The following SLC16A7 variants were observed in gnomAD, a reference collection of about 807,000 sequenced individuals.
SLC16A7 encodes the protein solute carrier family 16 member 7, also known as monocarboxylate transporter 2.
In SLC16A7, 33 loss-of-function variants were observed where a neutral mutation model predicts 34.9. The observed-to-expected ratio is 0.94, with a 90% CI of 0.72 to 1.26. The LOEUF (loss-of-function observed/expected upper bound fraction) is 1.26. SLC16A7 is among the 50% of genes most tolerant of loss of function. The pLI is 0.00. For synonymous variants in SLC16A7, 201 were observed against 206.6 expected (o/e 0.97, Z 0.23); for missense variants, 573 against 578.1 (o/e 0.99, Z 0.09).
chr12:59,605,533 A>G (rs925914415), intron 1 of SLC16A7, among the ~76,000 whole-genome samples: 1 of 152,218 alleles, frequency 6.6e-6, no homozygotes, highest in Admixed American at 6.5e-5. Context: ...AGCCTCTGAC[A>G]TATTTTAAGG....
At chr12:59,759,069 A>G (rs1880722518) in intron 3 of SLC16A7, among the ~76,000 whole-genome samples, 1 of 151,972 alleles carries the variant, frequency 6.6e-6, no homozygotes, top group Non-Finnish European at 1.5e-5. Context: ...TATATTATTA[A>G]TCTACTACTA....
rs536568807 is a variant in SLC16A7 at position 59,690,516 on chromosome 12, G to C, written c.-30-14256G>C. On this transcript the variant is annotated intron_variant, in intron 2 of 5. Coordinates refer to ENST00000547379, the MANE Select transcript of SLC16A7 (RefSeq NM_001270623.2). Reference sequence around the variant, plus strand: ...TCAGGCTTTAATACCATTGTCCACTGATAAAAAGAAAGAAGAGTGTAGGAA... The same window carrying C: ...TCAGGCTTTAATACCATTGTCCACTCATAAAAAGAAAGAAGAGTGTAGGAA... Among the ~76,000 whole-genome samples the C allele has an allele frequency of 9.3e-4, 142 of 152,064 alleles. No homozygotes were observed. In the Middle Eastern group the frequency reaches 0.014, roughly 15 times the overall value.
At chr12:59,774,536 A>G (rs985049828) in intron 4 of SLC16A7, 121 bp from the exon 5 acceptor site, 1 of 598,048 alleles carries the variant, frequency 1.7e-6, no homozygotes, top group East Asian at 2.8e-5. Flanking sequence ...AAAATGTACT[A>G]TATGATATTG....
chr12:59,710,462 G>T (rs560294361), intron 3 of SLC16A7, among the ~76,000 whole-genome samples: 41 of 151,930 alleles, frequency 2.7e-4, no homozygotes, highest in Non-Finnish European at 4.7e-4. Flanking sequence ...GTCAACAACA[G>T]ATTGGAAGTG....
At chr12:59,659,613 A>G (rs1233569009) in intron 2 of SLC16A7, among the ~76,000 whole-genome samples, 1 of 152,094 alleles carries the variant, frequency 6.6e-6, no homozygotes, top group Non-Finnish European at 1.5e-5. Context: ...CCTTTGATTC[A>G]TCTATTTAAT....
chr12:59,631,898 G>C (rs1013728553), intron 1 of SLC16A7, among the ~76,000 whole-genome samples: 11 of 151,992 alleles, frequency 7.2e-5, no homozygotes, highest in Admixed American at 3.9e-4. Context: ...GCTTAAATTA[G>C]TGTGTGTGTA....
rs1281474359 is a variant in SLC16A7, at chr12:59,632,023, ATTTG to A, written c.-129-23123_-129-23120del. ...TAAGACAGTAGAATCAAAGATGAGA[ATTTG>A]TTTGTCCTGAGAAGTGAGAGGTCAC... On this transcript the variant is annotated intron_variant, in intron 1 of 5. Coordinates refer to ENST00000547379, the MANE Select transcript of SLC16A7 (RefSeq NM_001270623.2). Among the ~76,000 whole-genome samples the A allele has an allele frequency of 2.0e-5, 3 of 151,902 alleles. No individual in the cohort carries two copies. In the East Asian group the frequency reaches 5.8e-4, roughly 30 times the overall value.
intron 5 of SLC16A7, among the ~76,000 whole-genome samples, chr12:59,777,204 A>T (rs1340745222): frequency 6.6e-6 from 1 of 152,226 alleles, no homozygotes; most frequent in Admixed American, 6.6e-5. Flanking sequence ...TGCCACTGGC[A>T]GCAAATGGCA....
intron 1 of SLC16A7, among the ~76,000 whole-genome samples, chr12:59,649,756 C>T (rs1868308770): frequency 6.6e-6 from 1 of 152,136 alleles, no homozygotes; most frequent in Admixed American, 6.5e-5. Context: ...CAAGACCAGC[C>T]TGGCCAACAT....
chr12:59,640,922 G>T (rs1880656156), intron 1 of SLC16A7, among the ~76,000 whole-genome samples: 1 of 151,974 alleles, frequency 6.6e-6, no homozygotes, highest in South Asian at 2.1e-4. Context: ...ATGAAAAAAT[G>T]ACTTATGTGG....
chr12:59,687,546 T>C (rs1485991687), intron 2 of SLC16A7, among the ~76,000 whole-genome samples: 1 of 152,140 alleles, frequency 6.6e-6, no homozygotes, highest in African/African-American at 2.4e-5. Context: ...GAAGCCAATG[T>C]GTTTCTCAGG....
chr12:59,774,936 CAGA>C lies in SLC16A7; in HGVS notation c.645_647del (p.Glu215del), dbSNP rs774120668. On this transcript the variant is annotated inframe_deletion, in exon 5 of 6. Transcript: ENST00000547379. ...AAGTCTAAAAATAAGACTGGCAAAA[CAGA>C]AGATGATTCAAGCCCAAAGAAAATC... 3 of 1,613,768 alleles carry C rather than the reference CAGA, an allele frequency of 1.9e-6. No homozygotes were observed. The highest frequency in any genetic ancestry group is 2.7e-5 in the African/African-American group (2 of 74,904).
intron 1 of SLC16A7, among the ~76,000 whole-genome samples, chr12:59,610,415 A>G (rs1356848992): frequency 6.6e-6 from 1 of 152,232 alleles, no homozygotes. Flanking sequence ...CAAGAAATCA[A>G]ATAGACACAG....
intron 2 of SLC16A7, among the ~76,000 whole-genome samples, chr12:59,682,050 T>TCTA (rs1870788392): frequency 6.6e-6 from 1 of 152,194 alleles, no homozygotes; most frequent in Non-Finnish European, 1.5e-5. Flanking sequence ...CAAGTAGAAT[T>TCTA]CTACTGGTCA....
chr12:59,778,977 C>A (rs2137478088), intron 5 of SLC16A7, among the ~76,000 whole-genome samples: 1 of 152,120 alleles, frequency 6.6e-6, no homozygotes, highest in East Asian at 1.9e-4. Flanking sequence ...CTGTTAGGAA[C>A]CATGTAAAAG....
intron 3 of SLC16A7, among the ~76,000 whole-genome samples, chr12:59,740,611 A>G (rs546052494): frequency 5.0e-4 from 76 of 152,298 alleles, no homozygotes; most frequent in Admixed American, 1.2e-3. Context: ...ATCATACTGA[A>G]TGGGCAAAAA....
rs557621653 is a variant in SLC16A7 at position 59,602,399 on chromosome 12, G to A, written c.-130+6163G>A. ...TCTTTATTTTGTTACTTCTCTCACC[G>A]CTCATTTACTGCTTCTTCTCCAGCT... On this transcript the variant is annotated intron_variant, in intron 1 of 5. Transcript: ENST00000547379. Among the ~76,000 whole-genome samples, 138 of 150,090 alleles carry A rather than the reference G, an allele frequency of 9.2e-4. 1 individual carries two copies. In the South Asian group the frequency reaches 0.018, roughly 20 times the overall value.
At chr12:59,638,273 A>G (rs1162421761) in intron 1 of SLC16A7, among the ~76,000 whole-genome samples, 2 of 152,122 alleles carry the variant, frequency 1.3e-5, no homozygotes, top group African/African-American at 4.8e-5. Flanking sequence ...TCTTTCTGGA[A>G]TGAGAATCTT....
chr12:59,621,881 A>T (rs1185343633), intron 1 of SLC16A7, among the ~76,000 whole-genome samples: 1 of 151,750 alleles, frequency 6.6e-6, no homozygotes, highest in Non-Finnish European at 1.5e-5. Context: ...TGAGGAAATT[A>T]TGCATTTTAG....
Sources: allele counts gnomAD v4.1 joint callset (sites outside exome capture counted in the v4.1 genomes callset), GRCh38; gene constraint gnomAD v4.1.1; transcripts MANE v1.5; gene names NCBI Gene and HGNC (gene_info 2026-07-23, HGNC 2026-07-21).